The following DPP10 variants were observed in gnomAD, a reference collection of about 807,000 sequenced individuals.
DPP10 encodes the protein dipeptidyl peptidase like 10.
DPP10 carries 33 observed loss-of-function variants against 120.9 expected under a neutral mutation model. The ratio of observed to expected loss-of-function variants is 0.27; its 90% CI spans 0.21 to 0.37. The LOEUF is 0.37. Ranked by LOEUF, DPP10 falls within the 10% of genes least tolerant of loss-of-function variation. The pLI is 1.00. For synonymous variants in DPP10, 337 were observed against 326.1 expected (o/e 1.03, Z -0.36); for missense variants, 816 against 942.8 (o/e 0.87, Z 1.76).
intron 1 of DPP10, among the ~76,000 whole-genome samples, chr2:114,748,664 T>C (rs1678882181): frequency 1.4e-5 from 1 of 70,282 alleles, no homozygotes; most frequent in African/African-American, 6.0e-5. Context: ...TTTGGTTTTT[T>C]GTTCTTGCGA....
chr2:114,856,214 T>C (rs979644442), intron 1 of DPP10, among the ~76,000 whole-genome samples: 9 of 152,280 alleles, frequency 5.9e-5, no homozygotes, highest in African/African-American at 1.9e-4. Flanking sequence ...TATCATAATA[T>C]GCAAACTACA....
chr2:115,766,278 T>TTA (rs111502845), intron 12 of DPP10, among the ~76,000 whole-genome samples: 6 of 96,038 alleles, frequency 6.2e-5, no homozygotes, highest in South Asian at 4.1e-4. Context: ...AAAATACTCA[T>TTA]TATATATATG....
intron 11 of DPP10, among the ~76,000 whole-genome samples, chr2:115,760,082 A>G (rs1247233544): frequency 1.3e-5 from 2 of 152,200 alleles, no homozygotes; most frequent in East Asian, 3.8e-4. Context: ...TTTGCACAAG[A>G]AATGAAAACA....
intron 1 of DPP10, among the ~76,000 whole-genome samples, chr2:114,625,517 AC>A (rs1250602871): frequency 3.9e-5 from 6 of 152,008 alleles, no homozygotes; most frequent in Non-Finnish European, 8.8e-5. Flanking sequence ...AAGTTGAAGT[AC>A]TTCTATGAAC....
intron 1 of DPP10, among the ~76,000 whole-genome samples, chr2:115,262,281 A>T (rs2059285653): frequency 6.6e-6 from 1 of 152,000 alleles, no homozygotes. Flanking sequence ...GTCTTTTGTC[A>T]TCAGTAGCTC....
At chr2:115,638,559 T>G (rs1350326945) in intron 5 of DPP10, among the ~76,000 whole-genome samples, 1 of 152,236 alleles carries the variant, frequency 6.6e-6, no homozygotes, top group Non-Finnish European at 1.5e-5. Context: ...ATATCTATAT[T>G]GATTTCTAGG....
At chr2:115,716,457 T>A (rs1310208176) in intron 7 of DPP10, among the ~76,000 whole-genome samples, 6 of 152,144 alleles carry the variant, frequency 3.9e-5, no homozygotes, top group Non-Finnish European at 7.4e-5. Context: ...TAGAATCTCA[T>A]AGGGAGAAAA....
intron 5 of DPP10, among the ~76,000 whole-genome samples, chr2:115,641,509 A>G (rs553125200): frequency 4.6e-5 from 7 of 151,968 alleles, no homozygotes; most frequent in African/African-American, 1.2e-4. Context: ...ACCAGCCTAC[A>G]TAAATGAACC....
chr2:115,408,807 G>C (rs893341132), intron 3 of DPP10, among the ~76,000 whole-genome samples: 1 of 152,098 alleles, frequency 6.6e-6, no homozygotes, highest in Non-Finnish European at 1.5e-5. Flanking sequence ...TGGAATGTGG[G>C]TAAGCTAGTG....
intron 1 of DPP10, among the ~76,000 whole-genome samples, chr2:115,079,195 G>A (rs34160446): frequency 0.29 from 43,396 of 151,760 alleles, 6,883 homozygotes; most frequent in Non-Finnish European, 0.34. Flanking sequence ...CCTGGCTAAC[G>A]CGGTGAAACC....
intron 2 of DPP10, among the ~76,000 whole-genome samples, chr2:115,320,512 T>C (rs1181494908): frequency 1.3e-5 from 2 of 151,986 alleles, no homozygotes; most frequent in African/African-American, 4.8e-5. Context: ...TTCTTATGGT[T>C]ATGTTGGTCA....
At chr2:115,337,537 T>G (rs962345692) in intron 2 of DPP10, among the ~76,000 whole-genome samples, 1 of 151,838 alleles carries the variant, frequency 6.6e-6, no homozygotes, top group Admixed American at 6.6e-5. Flanking sequence ...TTGCCGAGCC[T>G]GTTTCTCTGT....
intron 5 of DPP10, among the ~76,000 whole-genome samples, chr2:115,684,277 A>T (rs539436191): frequency 6.6e-6 from 1 of 151,992 alleles, no homozygotes; most frequent in East Asian, 1.9e-4. Flanking sequence ...ATATTACAAC[A>T]CTAGAGTCTC....
intron 7 of DPP10, among the ~76,000 whole-genome samples, chr2:115,704,768 A>G (rs193200797): frequency 2.0e-5 from 3 of 152,000 alleles, no homozygotes; most frequent in Admixed American, 2.0e-4. Context: ...CTGCAATGAT[A>G]ATCAACCATA....
chr2:114,875,310 A>G (rs1691064355), intron 1 of DPP10, among the ~76,000 whole-genome samples: 1 of 152,170 alleles, frequency 6.6e-6, no homozygotes, highest in African/African-American at 2.4e-5. Context: ...TTCTACTCAC[A>G]AAGACCTCAT....
chr2:114,615,309 A>G (rs1693596053), intron 1 of DPP10, among the ~76,000 whole-genome samples: 1 of 152,146 alleles, frequency 6.6e-6, no homozygotes, highest in Non-Finnish European at 1.5e-5. Flanking sequence ...TTTTCTACAT[A>G]CTGAGCACTA....
intron 1 of DPP10, among the ~76,000 whole-genome samples, chr2:115,229,898 T>C (rs1225072921): frequency 1.3e-5 from 2 of 151,600 alleles, no homozygotes; most frequent in Non-Finnish European, 2.9e-5. Context: ...GCTTTGGCTA[T>C]TCTGGGTCTT....
At chr2:115,081,131 A>C (rs1239271300) in intron 1 of DPP10, among the ~76,000 whole-genome samples, 11 of 151,962 alleles carry the variant, frequency 7.2e-5, no homozygotes, top group Non-Finnish European at 1.6e-4. Flanking sequence ...CTTGCATGGG[A>C]TTTGTGAGCT....
chr2:115,430,213 A>G (rs1230238091), intron 3 of DPP10, among the ~76,000 whole-genome samples: 1 of 152,200 alleles, frequency 6.6e-6, no homozygotes, highest in Non-Finnish European at 1.5e-5. Flanking sequence ...TTTGCTATTA[A>G]TATTTAGCTT....
Sources: allele counts gnomAD v4.1 joint callset (sites outside exome capture counted in the v4.1 genomes callset), GRCh38; gene constraint gnomAD v4.1.1; transcripts MANE v1.5; gene names NCBI Gene and HGNC (gene_info 2026-07-23, HGNC 2026-07-21).